Variants in TRIO observed in about 807,000 individuals in gnomAD.
TRIO encodes trio Rho guanine nucleotide exchange factor, also known as triple functional domain protein.
A neutral mutation model predicts 351.9 loss-of-function variants in TRIO; 58 were observed. The observed-to-expected ratio is 0.16, with a 90% confidence interval of 0.13 to 0.21. The LOEUF (loss-of-function observed/expected upper bound fraction) is 0.21, where lower values mean the gene tolerates loss of function less well. Ranked by LOEUF, TRIO falls within the 10% of genes least tolerant of loss-of-function variation. The probability of loss-of-function intolerance (pLI) is 1.00; values close to 1 mark genes in which losing one functional copy is unlikely to be tolerated. For synonymous variants in TRIO, 1,758 were observed against 1,595.7 expected (o/e 1.10, Z -2.42); for missense variants, 3,201 against 4,027.8 (o/e 0.79, Z 5.56).
chr5:14,176,246 C>T (rs1014531277), intron 1 of TRIO, among the ~76,000 whole-genome samples: 1 of 152,000 alleles, frequency 6.6e-6, no homozygotes, highest in Non-Finnish European at 1.5e-5. Context: ...CTGAGGCGGG[C>T]GGATCACGAG....
intron 8 of TRIO, among the ~76,000 whole-genome samples, chr5:14,311,724 A>G (rs1362693376): frequency 6.6e-6 from 1 of 152,224 alleles, no homozygotes; most frequent in Non-Finnish European, 1.5e-5. Flanking sequence ...AATCATTCCC[A>G]GGCTTCGTGT....
At chr5:14,344,432 C>T (rs1742229979) in intron 11 of TRIO, among the ~76,000 whole-genome samples, 1 of 152,140 alleles carries the variant, frequency 6.6e-6, no homozygotes, top group South Asian at 2.1e-4. Flanking sequence ...GTATAACAAA[C>T]ACACCCCCTA....
At chr5:14,387,902 C>A in intron 23 of TRIO, 55 bp downstream of exon 23, 2 of 1,565,928 alleles carry the variant, frequency 1.3e-6, no homozygotes, top group South Asian at 1.1e-5. Context: ...AAGAGAATGT[C>A]ATTTGGACAG....
intron 26 of TRIO, 22 bp from the exon 27 acceptor site, chr5:14,390,879 T>C: frequency 1.3e-6 from 2 of 1,543,754 alleles, no homozygotes; most frequent in Non-Finnish European, 8.8e-7. Flanking sequence ...TTAAATGAGA[T>C]CTTTTTTTTT....
intron 11 of TRIO, among the ~76,000 whole-genome samples, chr5:14,338,087 C>T (rs1741590502): frequency 6.6e-6 from 1 of 152,186 alleles, no homozygotes; most frequent in Non-Finnish European, 1.5e-5. Context: ...CTAGTCATTG[C>T]TGCACGTGCC....
intron 1 of TRIO, among the ~76,000 whole-genome samples, chr5:14,233,453 G>A (rs1793583805): frequency 6.6e-6 from 1 of 151,824 alleles, no homozygotes; most frequent in Admixed American, 6.6e-5. Context: ...TGGCACCACT[G>A]CATTCCAGCC....
intron 7 of TRIO, among the ~76,000 whole-genome samples, chr5:14,303,581 A>T (rs554924785): frequency 7.3e-6 from 1 of 137,914 alleles, no homozygotes; most frequent in Non-Finnish European, 1.5e-5. Flanking sequence ...AGTGGAGGAG[A>T]TTGAACCAGG....
chr5:14,388,413 C>T (rs1236639118), intron 23 of TRIO, among the ~76,000 whole-genome samples, 200 bp from the exon 24 acceptor site: 1 of 152,182 alleles, frequency 6.6e-6, no homozygotes, highest in African/African-American at 2.4e-5. Flanking sequence ...GTCGGTACCT[C>T]AGTAAAGTGT....
chr5:14,438,634 A>C (rs2126316878), intron 34 of TRIO, among the ~76,000 whole-genome samples: 1 of 152,336 alleles, frequency 6.6e-6, no homozygotes, highest in Non-Finnish European at 1.5e-5. Context: ...TCAGATTCTC[A>C]GACCAGATCC....
intron 13 of TRIO, among the ~76,000 whole-genome samples, chr5:14,362,161 T>C (rs561643403): frequency 6.6e-5 from 10 of 152,208 alleles, no homozygotes; most frequent in Non-Finnish European, 1.3e-4. Context: ...CAGAGGACAG[T>C]ACAGTGGAAC....
intron 2 of TRIO, among the ~76,000 whole-genome samples, chr5:14,272,630 C>CT (rs147431374): frequency 0.87 from 133,099 of 152,244 alleles, 58,425 homozygotes; most frequent in East Asian, 0.98. Context: ...GGAAGTTTTG[C>CT]TTTACCACAG....
At chr5:14,452,897 ACT>A (rs1491117603) in intron 34 of TRIO, among the ~76,000 whole-genome samples, 1 of 151,894 alleles carries the variant, frequency 6.6e-6, no homozygotes, top group African/African-American at 2.4e-5. Flanking sequence ...TTTAAAAAAA[ACT>A]TTTTTTTTAA....
At chr5:14,388,792 AT>A in intron 24 of TRIO, 113 bp downstream of exon 24, 6 of 1,214,314 alleles carry the variant, frequency 4.9e-6, no homozygotes, top group South Asian at 3.0e-5. Context: ...TTTTTCTGTC[AT>A]TTTTTTAAAT....
chr5:14,385,101 C>T (rs545617953), intron 21 of TRIO, among the ~76,000 whole-genome samples: 29 of 152,324 alleles, frequency 1.9e-4, no homozygotes, highest in African/African-American at 5.1e-4. Flanking sequence ...CCCCATGCTG[C>T]GTGGACGAGG....
intron 11 of TRIO, 50 bp downstream of exon 11, chr5:14,336,777 A>G (rs1323832157): frequency 6.3e-7 from 1 of 1,597,672 alleles, no homozygotes; most frequent in Admixed American, 1.7e-5. Context: ...AGGGTCTTTG[A>G]ACTCTTTTGG....
At chr5:14,395,379 G>T (rs1156821755) in intron 28 of TRIO, among the ~76,000 whole-genome samples, 2 of 152,206 alleles carry the variant, frequency 1.3e-5, no homozygotes, top group African/African-American at 2.4e-5. Context: ...TTACCTTTCA[G>T]TGTCCTCAAG....
chr5:14,293,924 T>C (rs563923216), intron 6 of TRIO, among the ~76,000 whole-genome samples: 2 of 152,172 alleles, frequency 1.3e-5, no homozygotes, highest in East Asian at 1.9e-4. Flanking sequence ...CTTGTGAGGA[T>C]TGTCCACTCT....
chr5:14,206,423 C>G (rs1791461352), intron 1 of TRIO, among the ~76,000 whole-genome samples: 2 of 152,212 alleles, frequency 1.3e-5, no homozygotes, highest in South Asian at 4.1e-4. Flanking sequence ...TGCTTAATTC[C>G]TCTAGATTCT....
chr5:14,273,480 C>T (rs768923098), intron 2 of TRIO, among the ~76,000 whole-genome samples: 4 of 152,274 alleles, frequency 2.6e-5, no homozygotes, highest in Middle Eastern at 3.4e-3. Flanking sequence ...AGTCAGAGGA[C>T]GGTGCTGTGG....
Sources: gnomAD v4.1 joint callset for allele counts (sites outside exome capture counted in the v4.1 genomes callset) on GRCh38, gnomAD v4.1.1 for gene constraint, MANE v1.5 for transcripts, NCBI Gene and HGNC (gene_info 2026-07-23, HGNC 2026-07-21) for gene names.